The following SMARCA4 variants were observed in gnomAD, a reference collection of about 807,000 sequenced individuals.
SMARCA4 encodes the protein SWI/SNF related BAF chromatin remodeling complex subunit ATPase 4.
A neutral mutation model predicts 193.9 loss-of-function variants in SMARCA4; 31 were observed. The ratio of observed to expected loss-of-function variants is 0.16; its 90% CI spans 0.12 to 0.22. The LOEUF is 0.22. Ranked by LOEUF, SMARCA4 falls within the 10% of genes least tolerant of loss-of-function variation. The pLI is 1.00. For synonymous variants in SMARCA4, 942 were observed against 933.1 expected, an observed-to-expected ratio of 1.01 and a Z score of -0.17; for missense variants, 1,148 against 2,296.0, an observed-to-expected ratio of 0.50 and a Z score of 10.22.
In SMARCA4 at chr19:11,033,165, G is replaced by C; in HGVS notation, c.3547-125G>C. 2 of 768,692 alleles carry C rather than the reference G, an allele frequency of 2.6e-6. No individual in the cohort carries two copies. Among genetic ancestry groups the C allele is most frequent in the East Asian group, 5.2e-5 (2 of 38,262 alleles). The allele number at this position is 768,692 out of a possible 1,614,324, so 47.6% of individuals were successfully genotyped here. A position where few individuals can be genotyped will look rare whatever the true frequency, so the allele number is the denominator to read the frequency against. On this transcript the variant is annotated intron_variant, in intron 25 of 34. Coordinates refer to ENST00000344626, the MANE Select transcript of SMARCA4 (RefSeq NM_003072.5). This position sits in a 1 kb window ranked among gnomAD's most constrained non-coding sequence, Gnocchi z 9.8. ...CTGTTTTCATGCGGCGGCAGGTCAGGCTGGGCAGAATTGTCAGGCCGAGGG... is the reference window on the plus strand; with the variant it reads ...CTGTTTTCATGCGGCGGCAGGTCAGCCTGGGCAGAATTGTCAGGCCGAGGG...
chr19:11,024,481 C>A (rs1294492068), intron 21 of SMARCA4, 43 bp downstream of exon 21: 1 of 1,292,858 alleles, frequency 7.7e-7, no homozygotes, highest in Non-Finnish European at 1.1e-6. Flanking sequence ...ACTGGGTGTC[C>A]AAGGCCGGCA....
In SMARCA4 at chr19:11,058,886, C is replaced by A. The variant is rs2147099211; in HGVS notation, c.4632C>A (p.Ser1544=). The change falls in exon 32 of 35, where the codon TCC becomes TCA. Residue 1544 remains serine, a synonymous_variant. Transcript: ENST00000344626. This position sits in a 1 kb window ranked among gnomAD's most constrained non-coding sequence, Gnocchi z 5.8. ...CACAGACCTTCAACCTGGAGGGCTCCCTGGTGAGGGCACCGCTGGGGGTTG... is the reference window on the plus strand; with the variant it reads ...CACAGACCTTCAACCTGGAGGGCTCACTGGTGAGGGCACCGCTGGGGGTTG... ...QNAQTFNLEG[S]LIYEDSIVLQ... is the part of the protein sequence containing the mutation. 1 of 1,613,460 alleles carries A rather than the reference C, an allele frequency of 6.2e-7. No homozygotes were observed.
Position 11,019,525 on chromosome 19 carries a change from G to C in SMARCA4, c.2506-66G>C. The C allele has an allele frequency of 1.0e-6, 1 of 973,914 alleles. No individual in the cohort carries two copies. The highest frequency in any genetic ancestry group is 2.6e-5 in the East Asian group (1 of 38,744). 60.3% of individuals were successfully genotyped at this position (973,914 alleles called of 1,614,324 possible). ...CACTGGGCAGTTGCAGGGGGTGCCT[G>C]TGCCCCTCTTGCCACCTGGCCACCC... On this transcript the variant is annotated intron_variant, in intron 17 of 34. Coordinates refer to ENST00000344626, the MANE Select transcript of SMARCA4 (RefSeq NM_003072.5). This position sits in a 1 kb window ranked among gnomAD's most constrained non-coding sequence, Gnocchi z 6.1.
At chr19:10,969,957 A>G (rs771346229) in intron 1 of SMARCA4, among the ~76,000 whole-genome samples, 8 of 152,052 alleles carry the variant, frequency 5.3e-5, no homozygotes, top group Non-Finnish European at 8.8e-5. Flanking sequence ...CTTCTCCCCT[A>G]TGCCCCACCT....
chr19:11,021,570 C>G (rs1257103606), intron 18 of SMARCA4, 155 bp from the exon 19 acceptor site: 1 of 937,170 alleles, frequency 1.1e-6, no homozygotes. Flanking sequence ...CTCGGTGAGT[C>G]AGCCCCGGGG....
rs1344336606 is a variant in SMARCA4 at position 11,024,325 on chromosome 19, C to T, written c.2974-6C>T. 1.2e-6 allele frequency: 2 copies of T among 1,604,310 alleles called. No homozygotes were observed. Among genetic ancestry groups the T allele is most frequent in the Non-Finnish European group, 8.5e-7 (1 of 1,171,880 alleles). ...GGCCCTCGTGAGCATTATGTGTCCC[C>T]TGCAGGTGGAGTACGTCATCAAGTG... On this transcript the variant is annotated splice_region_variant and splice_polypyrimidine_tract_variant and intron_variant, in intron 20 of 34. Transcript: ENST00000344626.
At chr19:11,021,268 C>T (rs962548372) in intron 18 of SMARCA4, 1 of 343,632 alleles carries the variant, frequency 2.9e-6, no homozygotes, top group Non-Finnish European at 5.8e-6. Context: ...GCGCTGGCCC[C>T]TACCCCATGG....
At chr19:11,012,094 A>T (rs1481324446) in intron 15 of SMARCA4, 1 of 152,312 alleles carries the variant, frequency 6.6e-6, no homozygotes, top group East Asian at 1.9e-4. Context: ...GAACTTGGCT[A>T]GGCGCAGTGG....
At chr19:10,965,659 C>G (rs565519262) in intron 1 of SMARCA4, among the ~76,000 whole-genome samples, 27 of 152,268 alleles carry the variant, frequency 1.8e-4, no homozygotes, top group Non-Finnish European at 2.6e-4. Context: ...CATGTAGGCT[C>G]TGTGGTATAG....
At chr19:11,050,721 A>G (rs955285067) in intron 30 of SMARCA4, among the ~76,000 whole-genome samples, 1 of 152,230 alleles carries the variant, frequency 6.6e-6, no homozygotes, top group African/African-American at 2.4e-5. Context: ...CCTGCCTGAA[A>G]CATTCTGCAG....
In SMARCA4 at chr19:10,986,524, G is replaced by A. The variant is rs555467836; in HGVS notation, c.691G>A (p.Gly231Ser). 6 of 1,541,028 alleles carry A rather than the reference G, an allele frequency of 3.9e-6. No homozygotes were observed. Among genetic ancestry groups the A allele is most frequent in the South Asian group, 2.4e-5 (2 of 83,918 alleles). The part of the protein sequence containing the change: ...PPPSVSATGP[G>S]PGPGPGPGPG... ...ACCCTCGGTGTCCGCAACAGGACCC[G>A]GCCCTGGCCCTGGCCCTGGCCCCGG... Residue 231 changes from glycine (G) to serine (S), a missense_variant, in exon 4 of 35, where the codon GGC becomes AGC. Gly to Ser is a moderately conservative substitution (Grantham distance 56, BLOSUM62 0). Transcript: ENST00000344626. This position sits in a 1 kb window ranked among gnomAD's most constrained non-coding sequence, Gnocchi z 6.7.
Position 11,030,890 on chromosome 19 carries a change from C to T in SMARCA4, c.3543C>T (p.His1181=), listed in dbSNP as rs1380125408. 6.2e-7 allele frequency: 1 copy of T among 1,610,486 alleles called. No homozygotes were observed. The highest frequency in any genetic ancestry group is 8.5e-7 in the Non-Finnish European group (1 of 1,178,730). The stretch of plus-strand genomic sequence containing the variant: ...TTTTTGACAGCGACTGGAATCCTCA[C>T]CAGGTAAAAGCGGGCCGGGCCCCAG... The part of the protein sequence containing the change: ...VIIFDSDWNP[H]QDLQAQDRAH... The change falls in exon 25 of 35, where the codon CAC becomes CAT. Residue 1181 remains histidine (H), a synonymous_variant. Coordinates refer to ENST00000344626, the MANE Select transcript of SMARCA4 (RefSeq NM_003072.5). This position sits in a 1 kb window ranked among gnomAD's most constrained non-coding sequence, Gnocchi z 5.5.
At chr19:11,023,749 T>G (rs1198586230) in intron 20 of SMARCA4, 118 bp downstream of exon 20, 13 of 729,110 alleles carry the variant, frequency 1.8e-5, no homozygotes, top group African/African-American at 3.5e-5. Flanking sequence ...TCAATCCAGC[T>G]TGGGGGTGGC....
At chr19:10,989,493 C>T (rs566062558) in intron 7 of SMARCA4, 50 bp downstream of exon 7, 57 of 1,605,006 alleles carry the variant, frequency 3.6e-5, no homozygotes, top group Non-Finnish European at 4.6e-5. Flanking sequence ...TTGTCACCAA[C>T]ACTGCTGCTA....
At chr19:11,009,016 T>C (rs1163053051) in intron 14 of SMARCA4, among the ~76,000 whole-genome samples, 5 of 57,052 alleles carry the variant, frequency 8.8e-5, no homozygotes, top group Non-Finnish European at 1.6e-4. Flanking sequence ...ACTTTTTTTT[T>C]TTTTTTTTTT....
chr19:10,997,357 C>A (rs1483042910), intron 11 of SMARCA4, among the ~76,000 whole-genome samples: 2 of 152,244 alleles, frequency 1.3e-5, no homozygotes, highest in East Asian at 3.9e-4. Flanking sequence ...TGCTACCACG[C>A]CCGGCTAATT....
intron 9 of SMARCA4, chr19:10,995,323 C>T (rs2086929553): frequency 1.9e-6 from 1 of 528,068 alleles, no homozygotes; most frequent in Non-Finnish European, 3.7e-6. Context: ...CTAGCATAAA[C>T]ATCTCTGACC....
At chr19:11,045,915 C>A (rs933674821) in intron 30 of SMARCA4, among the ~76,000 whole-genome samples, 3 of 151,164 alleles carry the variant, frequency 2.0e-5, no homozygotes, top group African/African-American at 7.3e-5. Flanking sequence ...GACTCTGTCT[C>A]TATTTAAAAA....
At chr19:11,002,766 CT>C (rs2087762476) in intron 11 of SMARCA4, among the ~76,000 whole-genome samples, 1 of 142,660 alleles carries the variant, frequency 7.0e-6, no homozygotes, top group African/African-American at 2.6e-5. Flanking sequence ...CGCCACTGCA[CT>C]CTAGCCTGGG....
Sources: allele counts gnomAD v4.1 joint callset (sites outside exome capture counted in the v4.1 genomes callset), GRCh38; gene constraint gnomAD v4.1.1; non-coding constraint Gnocchi (gnomAD v3.1); transcripts MANE v1.5; gene names NCBI Gene and HGNC (gene_info 2026-07-23, HGNC 2026-07-21).